The following GRM8 variants were observed in gnomAD, a reference collection of about 807,000 sequenced individuals.
The protein encoded by GRM8 is metabotropic glutamate receptor 8.
A neutral mutation model predicts 87.2 loss-of-function variants in GRM8; 47 were observed. The ratio of observed to expected loss-of-function variants is 0.54; its 90% CI spans 0.43 to 0.69. The LOEUF (loss-of-function observed/expected upper bound fraction) is 0.69, where lower values mean the gene tolerates loss of function less well. Among genes scored for constraint, GRM8 ranks in the 30% least tolerant of loss-of-function variants. The pLI is 0.00. For synonymous variants in GRM8, 396 were observed against 404.5 expected, an observed-to-expected ratio of 0.98 and a Z score of 0.25; for missense variants, 1,019 against 1,139.2, an observed-to-expected ratio of 0.89 and a Z score of 1.52.
chr7:126,791,434 C>A (rs1422276105), intron 6 of GRM8, among the ~76,000 whole-genome samples: 2 of 152,126 alleles, frequency 1.3e-5, no homozygotes, highest in African/African-American at 4.8e-5. Context: ...GCAGCTTTCC[C>A]AGACTGGATT....
intron 9 of GRM8, among the ~76,000 whole-genome samples, chr7:126,451,673 G>T (rs944467097): frequency 6.6e-6 from 1 of 151,656 alleles, no homozygotes; most frequent in African/African-American, 2.4e-5. Context: ...AACTCCTCTG[G>T]TTTACTCTTT....
At chr7:127,161,487 AG>A (rs766335848) in intron 2 of GRM8, among the ~76,000 whole-genome samples, 5 of 152,176 alleles carry the variant, frequency 3.3e-5, no homozygotes, top group Non-Finnish European at 5.9e-5. Context: ...AGTCTCAGTC[AG>A]CTCTAGCTAG....
At chr7:126,454,208 T>C (rs888352390) in intron 9 of GRM8, among the ~76,000 whole-genome samples, 1 of 151,796 alleles carries the variant, frequency 6.6e-6, no homozygotes, top group Non-Finnish European at 1.5e-5. Context: ...TCTCTATCTA[T>C]CTGTCTATAG....
intron 9 of GRM8, among the ~76,000 whole-genome samples, chr7:126,482,933 G>A (rs1053742004): frequency 7.3e-5 from 11 of 151,702 alleles, no homozygotes; most frequent in Non-Finnish European, 1.5e-4. Flanking sequence ...AAAGGTTTAT[G>A]TGACAGTCTC....
chr7:126,965,316 A>C (rs2131719159), intron 3 of GRM8, among the ~76,000 whole-genome samples: 1 of 152,248 alleles, frequency 6.6e-6, no homozygotes, highest in East Asian at 1.9e-4. Flanking sequence ...TAAAAAAAAG[A>C]AAGAGGAAAC....
chr7:126,815,650 T>A (rs1405456287), intron 6 of GRM8, among the ~76,000 whole-genome samples: 1 of 152,142 alleles, frequency 6.6e-6, no homozygotes, highest in African/African-American at 2.4e-5. Flanking sequence ...GCTACCTAAA[T>A]CTCTAAGGTG....
intron 7 of GRM8, among the ~76,000 whole-genome samples, chr7:126,706,957 C>T (rs1373628128): frequency 1.3e-5 from 2 of 152,042 alleles, no homozygotes; most frequent in Admixed American, 1.3e-4. Flanking sequence ...CCTACCTGGC[C>T]ACCTTATAGC....
intron 2 of GRM8, among the ~76,000 whole-genome samples, chr7:127,172,594 G>A (rs1793876038): frequency 6.6e-6 from 1 of 151,832 alleles, no homozygotes; most frequent in African/African-American, 2.4e-5. Context: ...TGTAGTCCCA[G>A]CTACTCAGGA....
chr7:126,508,171 A>G (rs1487004511), intron 9 of GRM8, among the ~76,000 whole-genome samples: 3 of 151,896 alleles, frequency 2.0e-5, no homozygotes, highest in Non-Finnish European at 2.9e-5. Context: ...ATATTTTTGT[A>G]TATTATTATC....
intron 8 of GRM8, among the ~76,000 whole-genome samples, chr7:126,598,198 CTAAT>C (rs1459142189): frequency 7.1e-6 from 1 of 141,330 alleles, no homozygotes; most frequent in African/African-American, 2.7e-5. Flanking sequence ...ATTTAAATAA[CTAAT>C]TAAATTCTTG....
intron 6 of GRM8, among the ~76,000 whole-genome samples, chr7:126,898,005 A>G (rs1003201632): frequency 7.9e-5 from 12 of 152,154 alleles, no homozygotes; most frequent in African/African-American, 2.9e-4. Context: ...AAGTAAATAC[A>G]TTGCCAATTT....
chr7:127,150,616 G>A (rs17863225), intron 2 of GRM8, among the ~76,000 whole-genome samples: 21 of 152,084 alleles, frequency 1.4e-4, no homozygotes, highest in Non-Finnish European at 2.6e-4. Context: ...TTTTGCAGAC[G>A]GGACAACTGA....
chr7:126,878,900 C>T (rs868182244), intron 6 of GRM8, among the ~76,000 whole-genome samples: 10 of 151,732 alleles, frequency 6.6e-5, no homozygotes, highest in Non-Finnish European at 1.2e-4. Context: ...CGGTGGCTCA[C>T]GCCTGTAATC....
chr7:126,830,006 T>G (rs1186825234), intron 6 of GRM8, among the ~76,000 whole-genome samples: 1 of 152,200 alleles, frequency 6.6e-6, no homozygotes, highest in Non-Finnish European at 1.5e-5. Flanking sequence ...AAAATTCTTT[T>G]CTTTAAGAAT....
At chr7:127,200,035 A>G (rs1220439408) in intron 2 of GRM8, among the ~76,000 whole-genome samples, 3 of 152,216 alleles carry the variant, frequency 2.0e-5, no homozygotes, top group African/African-American at 7.2e-5. Flanking sequence ...CTAACCCAAA[A>G]TTGTTTGGGA....
intron 8 of GRM8, among the ~76,000 whole-genome samples, chr7:126,564,923 T>A (rs780672202): frequency 2.6e-5 from 4 of 152,124 alleles, no homozygotes. Flanking sequence ...TGGCAACATA[T>A]GAAAATCAAT....
intron 7 of GRM8, among the ~76,000 whole-genome samples, chr7:126,611,053 G>T (rs1211237128): frequency 6.6e-6 from 1 of 152,106 alleles, no homozygotes; most frequent in East Asian, 1.9e-4. Flanking sequence ...AGTCCTAAAA[G>T]AGCTGTAAAT....
chr7:126,477,890 A>T (rs896746359), intron 9 of GRM8, among the ~76,000 whole-genome samples: 10 of 152,134 alleles, frequency 6.6e-5, no homozygotes, highest in African/African-American at 2.4e-4. Context: ...CTGGAGACCA[A>T]AAGTTCAAAA....
At chr7:126,839,911 C>T (rs986505417) in intron 6 of GRM8, among the ~76,000 whole-genome samples, 8 of 152,176 alleles carry the variant, frequency 5.3e-5, no homozygotes. Context: ...GCTGAATGTA[C>T]ATACTTATTC....
Sources: allele counts gnomAD v4.1 joint callset (sites outside exome capture counted in the v4.1 genomes callset), GRCh38; gene constraint gnomAD v4.1.1; transcripts MANE v1.5; gene names NCBI Gene and HGNC (gene_info 2026-07-23, HGNC 2026-07-21).